ASB7: variants seen among roughly 807,000 people sequenced by gnomAD.
ASB7 encodes the protein ankyrin repeat and SOCS box containing 7, also known as ankyrin repeat and SOCS box protein 7.
A neutral mutation model predicts 32.5 loss-of-function variants in ASB7; 4 were observed. The ratio of observed to expected loss-of-function variants is 0.12; its 90% CI spans 0.06 to 0.28. The LOEUF (loss-of-function observed/expected upper bound fraction) is 0.28, where lower values mean the gene tolerates loss of function less well. Ranked by LOEUF, ASB7 falls within the 10% of genes least tolerant of loss-of-function variation. The probability of loss-of-function intolerance (pLI) is 1.00; values close to 1 mark genes in which losing one functional copy is unlikely to be tolerated. For synonymous variants in ASB7, 172 were observed against 155.6 expected, an observed-to-expected ratio of 1.11 and a Z score of -0.78; for missense variants, 181 against 407.1, an observed-to-expected ratio of 0.44 and a Z score of 4.78.
At chr15:100,631,879 G>C (rs2039885831) in intron 5 of ASB7, among the ~76,000 whole-genome samples, 1 of 152,200 alleles carries the variant, frequency 6.6e-6, no homozygotes, top group Non-Finnish European at 1.5e-5. Flanking sequence ...AGTGAGGGGG[G>C]ATTAACAGCG....
At chr15:100,637,522 C>G (rs529840517) in intron 5 of ASB7, among the ~76,000 whole-genome samples, 13 of 152,286 alleles carry the variant, frequency 8.5e-5, no homozygotes, top group Non-Finnish European at 1.8e-4. Context: ...CCCAATGAAC[C>G]TTGTTTTCCA....
intron 2 of ASB7, among the ~76,000 whole-genome samples, chr15:100,603,875 A>G (rs1008650927): frequency 6.6e-6 from 1 of 152,210 alleles, no homozygotes; most frequent in African/African-American, 2.4e-5. Context: ...TAGAAAGCCA[A>G]CCTGTGTACC....
At chr15:100,604,045 CT>C (rs745834280) in intron 2 of ASB7, among the ~76,000 whole-genome samples, 3 of 152,134 alleles carry the variant, frequency 2.0e-5, no homozygotes, top group Non-Finnish European at 2.9e-5. Context: ...TCTAGGAGAA[CT>C]TTTAAAAATT....
chr15:100,607,909 A>T (rs772337245), intron 2 of ASB7, among the ~76,000 whole-genome samples: 4 of 152,208 alleles, frequency 2.6e-5, no homozygotes, highest in Non-Finnish European at 5.9e-5. Context: ...TTAATAAATT[A>T]ACACCATTTC....
rs2039809882 is a variant in ASB7, at chr15:100,623,403, C to T, written c.212-6034C>T. ...GGGCAACAAGAGCGAAATTACATCT[C>T]AAAAAAACAAAAGTGAGCAAAGGAC... On this transcript the variant is annotated intron_variant, in intron 4 of 5. Transcript: ENST00000332783. Among the ~76,000 whole-genome samples the T allele has an allele frequency of 2.0e-5, 3 of 151,942 alleles. No homozygotes were observed. The South Asian group carries it at 6.2e-4, about 32-fold the overall frequency.
intron 5 of ASB7, among the ~76,000 whole-genome samples, chr15:100,638,713 G>T (rs1055456833): frequency 1.3e-5 from 2 of 152,168 alleles, no homozygotes; most frequent in African/African-American, 4.8e-5. Flanking sequence ...TGGGATACAT[G>T]TGCTGAATGT....
intron 4 of ASB7, among the ~76,000 whole-genome samples, chr15:100,621,399 A>G (rs942286664): frequency 2.0e-5 from 3 of 152,198 alleles, no homozygotes; most frequent in Non-Finnish European, 4.4e-5. Flanking sequence ...CCAAATATAG[A>G]GAAGCAATTC....
rs753970054 is a variant in ASB7 at position 100,612,447 on chromosome 15, AT to A, written c.211+21del. 1.4e-4 allele frequency: 219 copies of A among 1,568,176 alleles called. No individual in the cohort carries two copies. Among genetic ancestry groups the A allele is most frequent in the Non-Finnish European group, 1.8e-4 (209 of 1,138,244 alleles). The stretch of plus-strand genomic sequence containing the variant: ...ACGGAGGTGAGTTTTGTAGAAGCAA[AT>A]CTTTTTCCCCATGGAGAAACATAAA... On this transcript the variant is annotated intron_variant, in intron 4 of 5. Transcript: ENST00000332783.
At chr15:100,607,843 T>G (rs1873956) in intron 2 of ASB7, among the ~76,000 whole-genome samples, 151,012 of 152,264 alleles carry the variant, frequency 0.99, 74,895 homozygotes, top group East Asian at 1. Context: ...TCTTTCTTGT[T>G]GGGAGAAATA....
chr15:100,612,502 G>A, intron 4 of ASB7, 75 bp downstream of exon 4: 1 of 1,369,874 alleles, frequency 7.3e-7, no homozygotes. Flanking sequence ...GTGTCTATTT[G>A]TAATTTTTAA....
At chr15:100,624,439 CAT>C (rs1358157540) in intron 4 of ASB7, among the ~76,000 whole-genome samples, 1 of 152,122 alleles carries the variant, frequency 6.6e-6, no homozygotes, top group Non-Finnish European at 1.5e-5. Context: ...TAAAATATCA[CAT>C]ACCAATAAAA....
At chr15:100,614,259 G>A (rs1215445240) in intron 4 of ASB7, among the ~76,000 whole-genome samples, 1 of 144,258 alleles carries the variant, frequency 6.9e-6, no homozygotes, top group South Asian at 2.2e-4. Flanking sequence ...GGGCGAAATT[G>A]TGAAACTCTG....
intron 4 of ASB7, among the ~76,000 whole-genome samples, chr15:100,619,491 A>T (rs1040920660): frequency 6.6e-6 from 1 of 152,252 alleles, no homozygotes; most frequent in Non-Finnish European, 1.5e-5. Flanking sequence ...AATCAAGAAT[A>T]ACTGAGCTTT....
chr15:100,611,819 C>CT (rs11350952), intron 3 of ASB7, among the ~76,000 whole-genome samples: 4,456 of 112,852 alleles, frequency 0.039, 109 homozygotes, highest in South Asian at 0.087. Context: ...TATATTGCTA[C>CT]TTTTTTTTTT....
At chr15:100,616,770 A>G (rs2039747321) in intron 4 of ASB7, among the ~76,000 whole-genome samples, 1 of 152,256 alleles carries the variant, frequency 6.6e-6, no homozygotes, top group South Asian at 2.1e-4. Flanking sequence ...GAACCAACTT[A>G]GAAAAATTAG....
Position 100,603,701 on chromosome 15 carries a change from A to G in ASB7, c.-174+388A>G, listed in dbSNP as rs910217124. On this transcript the variant is annotated intron_variant, in intron 2 of 5. Coordinates refer to ENST00000332783, the MANE Select transcript of ASB7 (RefSeq NM_198243.3). ...CTGAATGACTTTCCTTTTTAATTAA[A>G]CCACAATTTACTGTTTTCCCCCTTA... is the stretch of plus-strand genomic sequence containing the variant. Among the ~76,000 whole-genome samples, 7 of 152,168 alleles carry G rather than the reference A, an allele frequency of 4.6e-5. No individual in the cohort carries two copies. The East Asian group carries it at 1.4e-3, about 29-fold the overall frequency.
chr15:100,636,478 C>G (rs1186990300), intron 5 of ASB7, among the ~76,000 whole-genome samples: 1 of 152,132 alleles, frequency 6.6e-6, no homozygotes, highest in African/African-American at 2.4e-5. Context: ...CCCAAAGATC[C>G]CCCAACTGTG....
chr15:100,618,903 TA>T (rs2039767687), intron 4 of ASB7, among the ~76,000 whole-genome samples: 1 of 152,184 alleles, frequency 6.6e-6, no homozygotes, highest in Non-Finnish European at 1.5e-5. Flanking sequence ...TCTTTTAGGA[TA>T]ATAAGTATTA....
intron 4 of ASB7, among the ~76,000 whole-genome samples, chr15:100,615,829 A>G (rs2141391250): frequency 6.6e-6 from 1 of 152,372 alleles, no homozygotes; most frequent in Non-Finnish European, 1.5e-5. Context: ...TTATCTGCAT[A>G]GGACTCTGTC....
Sources: allele counts gnomAD v4.1 joint callset (sites outside exome capture counted in the v4.1 genomes callset), GRCh38; gene constraint gnomAD v4.1.1; transcripts MANE v1.5; gene names NCBI Gene and HGNC (gene_info 2026-07-23, HGNC 2026-07-21).